SYT1: variants seen among roughly 807,000 people sequenced by gnomAD.
SYT1 encodes the protein synaptotagmin-1.
A neutral mutation model predicts 44.8 loss-of-function variants in SYT1; 8 were observed. That is an observed-to-expected ratio of 0.18 (90% CI 0.10 to 0.32). The LOEUF (loss-of-function observed/expected upper bound fraction) is 0.32. Among genes scored for constraint, SYT1 ranks in the 10% least tolerant of loss-of-function variants. The pLI is 1.00. For missense variants in SYT1, 286 were observed against 509.3 expected, an observed-to-expected ratio of 0.56 and a Z score of 4.22; for synonymous variants, 154 against 188.8, an observed-to-expected ratio of 0.82 and a Z score of 1.51.
chr12:79,412,191 T>C (rs1275152648), intron 9 of SYT1, among the ~76,000 whole-genome samples: 1 of 152,166 alleles, frequency 6.6e-6, no homozygotes, highest in East Asian at 1.9e-4. Context: ...CCTTCTGCCA[T>C]GATTCTTCCC....
chr12:79,371,042 ATTATAG>A (rs1883767058), intron 9 of SYT1, among the ~76,000 whole-genome samples: 1 of 152,166 alleles, frequency 6.6e-6, no homozygotes, highest in Non-Finnish European at 1.5e-5. Context: ...GCTAATAATA[ATTATAG>A]TTATAATCTA....
At chr12:79,225,996 C>T (rs182623567) in intron 4 of SYT1, among the ~76,000 whole-genome samples, 141 of 152,216 alleles carry the variant, frequency 9.3e-4, no homozygotes, top group Middle Eastern at 6.8e-3. Flanking sequence ...ATAATGTAAG[C>T]TCTCTGAAGG....
At chr12:79,440,286 T>C (rs539180154) in intron 9 of SYT1, among the ~76,000 whole-genome samples, 1 of 152,334 alleles carries the variant, frequency 6.6e-6, no homozygotes, top group East Asian at 1.9e-4. Flanking sequence ...AAGTGTCCCA[T>C]GTCTTGCATC....
intron 3 of SYT1, among the ~76,000 whole-genome samples, chr12:79,192,667 T>C (rs993113082): frequency 1.3e-5 from 2 of 152,052 alleles, no homozygotes; most frequent in African/African-American, 4.8e-5. Flanking sequence ...TGCTGGTAGG[T>C]GAAGTATTTT....
chr12:79,178,026 G>A (rs1382396149), intron 3 of SYT1, among the ~76,000 whole-genome samples: 1 of 151,258 alleles, frequency 6.6e-6, no homozygotes, highest in African/African-American at 2.4e-5. Context: ...AGTTTCTTTT[G>A]CTGTGCAGAA....
At chr12:79,377,015 C>A (rs1884019654) in intron 9 of SYT1, among the ~76,000 whole-genome samples, 1 of 152,194 alleles carries the variant, frequency 6.6e-6, no homozygotes, top group Non-Finnish European at 1.5e-5. Context: ...CAATTTCATT[C>A]ATTCGTTCAA....
intron 3 of SYT1, among the ~76,000 whole-genome samples, chr12:79,138,400 A>G (rs1389861343): frequency 6.6e-6 from 1 of 152,230 alleles, no homozygotes; most frequent in East Asian, 1.9e-4. Flanking sequence ...GTAATGCAAT[A>G]TTAAATGATA....
chr12:79,203,527 A>G (rs954415770), intron 3 of SYT1, among the ~76,000 whole-genome samples: 1 of 152,188 alleles, frequency 6.6e-6, no homozygotes, highest in African/African-American at 2.4e-5. Context: ...GCCTAAACCA[A>G]CCATCGGCAA....
intron 10 of SYT1, among the ~76,000 whole-genome samples, chr12:79,446,034 T>TATATATATATG (rs1491131045): frequency 8.7e-6 from 1 of 115,558 alleles, no homozygotes; most frequent in African/African-American, 3.4e-5. Flanking sequence ...TATATATATA[T>TATATATATATG]TATGCCTAGG....
chr12:79,190,396 C>T lies in SYT1; in HGVS notation c.-17-27107C>T, dbSNP rs548747761. On this transcript the variant is annotated intron_variant, in intron 3 of 10. Transcript: ENST00000261205. ...ACTAGATAAAATTAGTGCTAAAAGG[C>T]CTATAAGAGCACCATAAAATAATTG... 2.0e-5 allele frequency among the ~76,000 whole-genome samples: 3 copies of T among 152,082 alleles called. No individual in the cohort carries two copies. In the East Asian group the frequency reaches 5.8e-4, roughly 29 times the overall value.
intron 8 of SYT1, among the ~76,000 whole-genome samples, chr12:79,336,271 T>G (rs1183012381): frequency 2.0e-5 from 3 of 152,178 alleles, no homozygotes; most frequent in Non-Finnish European, 4.4e-5. Flanking sequence ...TCATCCATTA[T>G]GAAGTAAGTC....
intron 4 of SYT1, among the ~76,000 whole-genome samples, chr12:79,235,013 T>C (rs1279232307): frequency 3.9e-5 from 6 of 152,120 alleles, no homozygotes; most frequent in East Asian, 3.9e-4. Flanking sequence ...CCAGCCTAGT[T>C]TGGGGCTCTT....
intron 1 of SYT1, among the ~76,000 whole-genome samples, chr12:78,961,667 T>C (rs759299315): frequency 2.0e-4 from 30 of 152,070 alleles, no homozygotes; most frequent in Non-Finnish European, 4.1e-4. Flanking sequence ...CAATGAGCAA[T>C]TCTTAGGCAT....
chr12:78,877,963 A>C (rs1393501486), intron 1 of SYT1, among the ~76,000 whole-genome samples: 1 of 151,768 alleles, frequency 6.6e-6, no homozygotes, highest in Admixed American at 6.6e-5. Context: ...ATTCACATAC[A>C]GGTAATTTTG....
intron 3 of SYT1, among the ~76,000 whole-genome samples, chr12:79,124,786 C>T (rs1217537409): frequency 6.6e-6 from 1 of 151,988 alleles, no homozygotes; most frequent in Non-Finnish European, 1.5e-5. Context: ...GGTAACTAGA[C>T]AATTGTATCT....
At chr12:79,307,095 C>T (rs1880433366) in intron 8 of SYT1, among the ~76,000 whole-genome samples, 1 of 152,146 alleles carries the variant, frequency 6.6e-6, no homozygotes, top group Non-Finnish European at 1.5e-5. Flanking sequence ...CTGTCTTACT[C>T]CTACCTACCT....
intron 1 of SYT1, among the ~76,000 whole-genome samples, chr12:78,962,128 G>T (rs1330014462): frequency 6.6e-6 from 1 of 151,554 alleles, no homozygotes; most frequent in East Asian, 2.0e-4. Flanking sequence ...CAGTGTTTTG[G>T]ACTGTGCTGA....
intron 9 of SYT1, among the ~76,000 whole-genome samples, chr12:79,377,819 G>A (rs1053152701): frequency 2.6e-5 from 4 of 152,212 alleles, no homozygotes; most frequent in African/African-American, 9.6e-5. Flanking sequence ...TTCAGGAAGA[G>A]AGGAGAGCAT....
At chr12:79,054,316 A>G (rs570845516) in intron 3 of SYT1, among the ~76,000 whole-genome samples, 25 of 152,026 alleles carry the variant, frequency 1.6e-4, no homozygotes, top group Non-Finnish European at 3.5e-4. Flanking sequence ...CTTATCATCA[A>G]TAAATATTAG....
Sources: allele counts gnomAD v4.1 joint callset (sites outside exome capture counted in the v4.1 genomes callset), GRCh38; gene constraint gnomAD v4.1.1; transcripts MANE v1.5; gene names NCBI Gene and HGNC (gene_info 2026-07-23, HGNC 2026-07-21).